The following TGFBR3 variants were observed in gnomAD, a reference collection of about 807,000 sequenced individuals.
TGFBR3 encodes the protein transforming growth factor beta receptor type 3.
TGFBR3 carries 46 observed loss-of-function variants against 87.9 expected under a neutral mutation model. The observed-to-expected ratio is 0.52, with a 90% CI of 0.41 to 0.67. The LOEUF is 0.67. Among genes scored for constraint, TGFBR3 ranks in the 30% least tolerant of loss-of-function variants. The pLI is 0.00. For missense variants in TGFBR3, 866 were observed against 1,041.9 expected (o/e 0.83, Z 2.32); for synonymous variants, 381 against 391.6 (o/e 0.97, Z 0.32).
intron 1 of TGFBR3, among the ~76,000 whole-genome samples, chr1:91,904,544 G>T (rs66786059): frequency 6.8e-6 from 1 of 147,078 alleles, no homozygotes; most frequent in Non-Finnish European, 1.5e-5. Flanking sequence ...TTACAGACGC[G>T]TGCCACCACA....
At chr1:91,818,385 A>G (rs1182674491) in intron 2 of TGFBR3, among the ~76,000 whole-genome samples, 1 of 148,078 alleles carries the variant, frequency 6.8e-6, no homozygotes. Flanking sequence ...GACTCTGCAC[A>G]TGCCTCATTG....
At chr1:91,833,151 C>T (rs1377533564) in intron 2 of TGFBR3, among the ~76,000 whole-genome samples, 4 of 151,270 alleles carry the variant, frequency 2.6e-5, no homozygotes, top group Non-Finnish European at 4.4e-5. Flanking sequence ...AAAAAATTAA[C>T]CAGTCTTGGT....
chr1:91,872,413 G>T (rs1233860827), intron 1 of TGFBR3, among the ~76,000 whole-genome samples: 1 of 152,204 alleles, frequency 6.6e-6, no homozygotes, highest in Non-Finnish European at 1.5e-5. Context: ...CTTGAGAAGG[G>T]TTAAAACTTC....
intron 2 of TGFBR3, among the ~76,000 whole-genome samples, chr1:91,840,138 C>T (rs1393460307): frequency 1.3e-5 from 2 of 151,100 alleles, no homozygotes; most frequent in African/African-American, 4.9e-5. Flanking sequence ...GATGAAATCC[C>T]ATCTCTACTT....
In TGFBR3 at chr1:91,682,074, G is replaced by C. The variant is rs903607114; in HGVS notation, c.*1665C>G. On this transcript the variant is annotated 3_prime_UTR_variant, in exon 17 of 17. Coordinates refer to ENST00000212355, the MANE Select transcript of TGFBR3 (RefSeq NM_003243.5). ...AAAAAAAATGTTCCTTATTGAATGT[G>C]TATATCTATCAGGTAAGTCATATTA... The C allele has an allele frequency of 1.1e-5, 5 of 453,692 alleles. No homozygotes were observed. Among genetic ancestry groups the C allele is most frequent in the Non-Finnish European group, 2.2e-5 (5 of 226,720 alleles). 28.1% of individuals were successfully genotyped at this position (453,692 alleles called of 1,614,324 possible).
At chr1:91,823,399 G>A (rs17885729) in intron 2 of TGFBR3, among the ~76,000 whole-genome samples, 10 of 152,282 alleles carry the variant, frequency 6.6e-5, no homozygotes, top group Admixed American at 6.5e-4. Flanking sequence ...GAGGACATAT[G>A]TCCAGAAAAA....
chr1:91,695,523 A>C, intron 16 of TGFBR3, 149 bp downstream of exon 16: 1 of 759,090 alleles, frequency 1.3e-6, no homozygotes, highest in Non-Finnish European at 2.3e-6. Context: ...ACTTTTGTGA[A>C]ACCCAATTTA....
chr1:91,767,136 A>G (rs1452891539), intron 3 of TGFBR3, among the ~76,000 whole-genome samples: 1 of 134,046 alleles, frequency 7.5e-6, no homozygotes, highest in African/African-American at 2.8e-5. Flanking sequence ...TAAGATCTCA[A>G]TAAGGATTTC....
intron 2 of TGFBR3, among the ~76,000 whole-genome samples, chr1:91,820,740 C>T (rs1006802544): frequency 2.0e-5 from 3 of 152,150 alleles, no homozygotes; most frequent in Admixed American, 1.3e-4. Context: ...TCATGAAATA[C>T]ATATGCTGCA....
intron 1 of TGFBR3, among the ~76,000 whole-genome samples, chr1:91,870,466 GC>G (rs1486376754): frequency 6.6e-6 from 1 of 152,166 alleles, no homozygotes; most frequent in Admixed American, 6.5e-5. Context: ...TAGTTACAAA[GC>G]CAAGACTTGT....
At chr1:91,753,744 T>C (rs929913373) in intron 4 of TGFBR3, among the ~76,000 whole-genome samples, 1 of 152,230 alleles carries the variant, frequency 6.6e-6, no homozygotes, top group Non-Finnish European at 1.5e-5. Context: ...CTTAGTATAA[T>C]GTTTTCAAGA....
chr1:91,802,213 C>T (rs754995965), intron 2 of TGFBR3, among the ~76,000 whole-genome samples: 4 of 152,130 alleles, frequency 2.6e-5, no homozygotes, highest in Non-Finnish European at 2.9e-5. Context: ...GTTCCATCGC[C>T]GCCTTCCAGG....
At chr1:91,801,393 G>C (rs1675625180) in intron 2 of TGFBR3, among the ~76,000 whole-genome samples, 1 of 152,122 alleles carries the variant, frequency 6.6e-6, no homozygotes, top group East Asian at 1.9e-4. Flanking sequence ...GAAGGGGACA[G>C]AGTTAAGTGG....
chr1:91,836,188 G>A (rs1485264031), intron 2 of TGFBR3, among the ~76,000 whole-genome samples: 16 of 151,852 alleles, frequency 1.1e-4, no homozygotes, highest in Non-Finnish European at 5.9e-5. Context: ...CAGAGGTTGC[G>A]GTGAGCCGAG....
At chr1:91,779,676 CCTTTACAGAG>C (rs1037506890) in intron 3 of TGFBR3, among the ~76,000 whole-genome samples, 16 of 152,178 alleles carry the variant, frequency 1.1e-4, no homozygotes, top group African/African-American at 3.9e-4. Context: ...GTGGTAGCGT[CCTTTACAGAG>C]CTGGGGAACA....
At chr1:91,800,328 ATATGTGTGTGTGTG>A (rs1266779750) in intron 2 of TGFBR3, among the ~76,000 whole-genome samples, 1 of 122,578 alleles carries the variant, frequency 8.2e-6, no homozygotes, top group Non-Finnish European at 1.7e-5. Flanking sequence ...ATATATGTGT[ATATGTGTGTGTGTG>A]TGTGTGTGTG....
chr1:91,866,213 T>G (rs563570943), intron 1 of TGFBR3, among the ~76,000 whole-genome samples: 42 of 152,298 alleles, frequency 2.8e-4, no homozygotes, highest in African/African-American at 9.4e-4. Context: ...TTGCTCTATC[T>G]AAGAGAAAAA....
upstream of TGFBR3, among the ~76,000 whole-genome samples, chr1:91,888,877 TTTTG>T (rs1029128556): frequency 1.3e-5 from 2 of 152,034 alleles, no homozygotes; most frequent in South Asian, 4.1e-4. Flanking sequence ...CTGAATTCTT[TTTTG>T]TTTGTTTGTT....
intron 4 of TGFBR3, among the ~76,000 whole-genome samples, chr1:91,746,415 C>T (rs1439457614): frequency 6.6e-6 from 1 of 152,218 alleles, no homozygotes; most frequent in Non-Finnish European, 1.5e-5. Context: ...ATTCTTCAGA[C>T]TCCTAACTTT....
Sources: allele counts gnomAD v4.1 joint callset (sites outside exome capture counted in the v4.1 genomes callset), GRCh38; gene constraint gnomAD v4.1.1; transcripts MANE v1.5; gene names NCBI Gene and HGNC (gene_info 2026-07-23, HGNC 2026-07-21).